CD247: variants seen among roughly 807,000 people sequenced by gnomAD.
The protein encoded by CD247 is CD247 molecule.
Under a neutral mutation model 30.0 loss-of-function variants are expected in CD247, and 13 were observed. The ratio of observed to expected loss-of-function variants is 0.43; its 90% confidence interval spans 0.28 to 0.69. CD247 has a LOEUF of 0.69. Among genes scored for constraint, CD247 ranks in the 30% least tolerant of loss-of-function variants. The probability of loss-of-function intolerance (pLI) is 0.16; values close to 1 mark genes in which losing one functional copy is unlikely to be tolerated. For missense variants in CD247, 193 were observed against 212.6 expected, an observed-to-expected ratio of 0.91 and a Z score of 0.57; for synonymous variants, 72 against 80.0, an observed-to-expected ratio of 0.90 and a Z score of 0.53.
At chr1:167,438,498 G>T in intron 4 of CD247, 72 bp downstream of exon 4, 6 of 1,204,990 alleles carry the variant, frequency 5.0e-6, no homozygotes, top group South Asian at 1.2e-5. Flanking sequence ...GAGCTGAGGA[G>T]CCCTCCCCCA....
chr1:167,431,606 G>T lies in CD247; in HGVS notation c.*75C>A. On this transcript the variant is annotated 3_prime_UTR_variant, in exon 8 of 8. Transcript: ENST00000362089. The stretch of plus-strand genomic sequence containing the variant: ...GTGGCTGAGAAGAGTGAACCGGGTT[G>T]TAAATGCTTCATCCTGTGTCTCATA... The T allele has an allele frequency of 8.2e-7, 1 of 1,218,794 alleles. No individual in the cohort carries two copies. The highest frequency in any genetic ancestry group is 1.2e-6 in the Non-Finnish European group (1 of 818,720). The allele number at this position is 1,218,794 out of a possible 1,614,324, so 75.5% of individuals were successfully genotyped here.
chr1:167,452,249 A>G (rs1652384286), intron 1 of CD247, among the ~76,000 whole-genome samples: 2 of 151,364 alleles, frequency 1.3e-5, no homozygotes, highest in Non-Finnish European at 2.9e-5. Flanking sequence ...CAAAACAAAA[A>G]CCATCTCTAA....
chr1:167,495,984 C>T (rs1253938198), intron 1 of CD247, among the ~76,000 whole-genome samples: 1 of 152,170 alleles, frequency 6.6e-6, no homozygotes, highest in African/African-American at 2.4e-5. Flanking sequence ...CAGTTTACCT[C>T]GTTTATTGCC....
chr1:167,485,880 T>C (rs973781920), intron 1 of CD247, among the ~76,000 whole-genome samples: 1 of 151,496 alleles, frequency 6.6e-6, no homozygotes, highest in East Asian at 1.9e-4. Flanking sequence ...ATGTTGGGGG[T>C]GGGGAAAGAA....
At chr1:167,498,436 C>T (rs962255100) in intron 1 of CD247, among the ~76,000 whole-genome samples, 8 of 152,186 alleles carry the variant, frequency 5.3e-5, no homozygotes, top group Non-Finnish European at 1.2e-4. Flanking sequence ...AAGAGTCTTG[C>T]GATCAGCCAC....
intron 1 of CD247, among the ~76,000 whole-genome samples, chr1:167,443,053 C>G (rs897344859): frequency 1.3e-5 from 2 of 152,154 alleles, no homozygotes; most frequent in African/African-American, 4.8e-5. Context: ...TTGCGTTCTA[C>G]CCCTCCACTC....
Position 167,451,993 on chromosome 1 carries a change from C to T in CD247, c.59-11226G>A, listed in dbSNP as rs535776414. ...TTCCCAGCACTTTGGGAGGTGGAGG[C>T]GGGTGGATCACCTGAGGCCAGGAGT... On this transcript the variant is annotated intron_variant, in intron 1 of 7. Coordinates refer to ENST00000362089, the MANE Select transcript of CD247 (RefSeq NM_198053.3). 2.1e-3 allele frequency among the ~76,000 whole-genome samples: 327 copies of T among 152,198 alleles called. 1 individual carries two copies. The highest frequency in any genetic ancestry group is 3.3e-3 in the African/African-American group (137 of 41,520).
intron 1 of CD247, among the ~76,000 whole-genome samples, chr1:167,455,700 C>A (rs1652618901): frequency 6.6e-6 from 1 of 152,212 alleles, no homozygotes; most frequent in African/African-American, 2.4e-5. Context: ...TGTCCCCGAA[C>A]CGCACCCGCC....
chr1:167,454,361 T>C (rs1652525983), intron 1 of CD247, among the ~76,000 whole-genome samples: 1 of 152,220 alleles, frequency 6.6e-6, no homozygotes, highest in African/African-American at 2.4e-5. Context: ...ACTCTAACTA[T>C]GATAGTATAT....
chr1:167,432,483 C>T (rs572230876), intron 7 of CD247, among the ~76,000 whole-genome samples: 8 of 152,284 alleles, frequency 5.3e-5, no homozygotes, highest in East Asian at 3.9e-4. Flanking sequence ...AATGACAACC[C>T]GCTGGGGATC....
At chr1:167,439,445 G>A in intron 2 of CD247, 45 bp from the exon 3 acceptor site, 10 of 1,595,516 alleles carry the variant, frequency 6.3e-6, no homozygotes, top group Non-Finnish European at 8.6e-6. Flanking sequence ...GCGAGGGCGC[G>A]CAGGGGAGCC....
intron 1 of CD247, among the ~76,000 whole-genome samples, chr1:167,504,098 C>T (rs768443864): frequency 3.0e-4 from 45 of 152,076 alleles, no homozygotes; most frequent in Admixed American, 8.5e-4. Context: ...CGGTTCATGG[C>T]GGGGGGAGCG....
intron 1 of CD247, among the ~76,000 whole-genome samples, chr1:167,451,249 C>A (rs949302566): frequency 1.3e-5 from 2 of 152,166 alleles, no homozygotes; most frequent in African/African-American, 4.8e-5. Context: ...AGATGGGGAA[C>A]AGCTGCAGGG....
At chr1:167,470,678 A>G (rs1195175064) in intron 1 of CD247, among the ~76,000 whole-genome samples, 1 of 151,790 alleles carries the variant, frequency 6.6e-6, no homozygotes, top group African/African-American at 2.4e-5. Context: ...ATCATATGTT[A>G]GGGTTTGTGT....
intron 1 of CD247, among the ~76,000 whole-genome samples, chr1:167,449,783 C>T (rs984948639): frequency 2.0e-5 from 3 of 151,924 alleles, no homozygotes; most frequent in African/African-American, 7.3e-5. Flanking sequence ...ATTAGCCGGG[C>T]ATGGTGGCAC....
Position 167,494,819 on chromosome 1 carries a change from C to A in CD247, c.58+23589G>T, listed in dbSNP as rs1256677154. Among the ~76,000 whole-genome samples, 1 of 152,188 alleles carries A rather than the reference C, an allele frequency of 6.6e-6. No homozygotes were observed. Among genetic ancestry groups the A allele is most frequent in the African/African-American group, 2.4e-5 (1 of 41,458 alleles). On this transcript the variant is annotated intron_variant, in intron 1 of 7. Coordinates refer to ENST00000362089, the MANE Select transcript of CD247 (RefSeq NM_198053.3). This position sits in a 1 kb window ranked among gnomAD's most constrained non-coding sequence, Gnocchi z 7.3. ...AGGCAAGACAATTATTACCTCAGAT[C>A]ACATACGCCTTGGATTTCAGAGCTG...
intron 1 of CD247, among the ~76,000 whole-genome samples, chr1:167,495,075 C>T (rs765219809): frequency 1.3e-5 from 2 of 152,226 alleles, no homozygotes; most frequent in Non-Finnish European, 1.5e-5. Flanking sequence ...CATCACTTCT[C>T]ATGCTGTCTT....
chr1:167,482,528 C>T lies in CD247; in HGVS notation c.58+35880G>A, dbSNP rs537476579. ...TTGCCACTCCCTTCCTTTCTCCCCT[C>T]AGCCTCTCCAGAAGCAAAGCCCATG... On this transcript the variant is annotated intron_variant, in intron 1 of 7. Coordinates refer to ENST00000362089, the MANE Select transcript of CD247 (RefSeq NM_198053.3). Among the ~76,000 whole-genome samples, 49 of 152,340 alleles carry T rather than the reference C, an allele frequency of 3.2e-4. 1 individual carries two copies. In the South Asian group the frequency reaches 9.9e-3, roughly 31 times the overall value.
intron 4 of CD247, among the ~76,000 whole-genome samples, chr1:167,436,480 CA>C (rs1294902359): frequency 6.6e-6 from 1 of 152,144 alleles, no homozygotes; most frequent in Non-Finnish European, 1.5e-5. Flanking sequence ...GAGCAATTAG[CA>C]AAAGGTGCCA....
Sources: allele counts gnomAD v4.1 joint callset (sites outside exome capture counted in the v4.1 genomes callset), GRCh38; gene constraint gnomAD v4.1.1; non-coding constraint Gnocchi (gnomAD v3.1); transcripts MANE v1.5; gene names NCBI Gene and HGNC (gene_info 2026-07-23, HGNC 2026-07-21).